SCEL: variants seen among roughly 807,000 people sequenced by gnomAD.
The protein encoded by SCEL is sciellin.
Under a neutral mutation model 117.6 loss-of-function variants are expected in SCEL, and 113 were observed. The observed-to-expected ratio is 0.96, with a 90% CI of 0.83 to 1.12. The LOEUF is 1.12. Among genes scored for constraint, SCEL ranks in the 50% most tolerant of loss-of-function variants. SCEL has a pLI of 0.00. For synonymous variants in SCEL, 270 were observed against 256.2 expected, an observed-to-expected ratio of 1.05 and a Z score of -0.51; for missense variants, 785 against 810.8, an observed-to-expected ratio of 0.97 and a Z score of 0.39.
At chr13:77,643,631 C>A (rs936421416) in intron 32 of SCEL, among the ~76,000 whole-genome samples, 1 of 152,052 alleles carries the variant, frequency 6.6e-6, no homozygotes, top group Non-Finnish European at 1.5e-5. Context: ...GGGACCCCTA[C>A]CTGGGATCCA....
At chr13:77,593,106 G>T (rs929854175) in intron 11 of SCEL, among the ~76,000 whole-genome samples, 1 of 152,062 alleles carries the variant, frequency 6.6e-6, no homozygotes, top group Non-Finnish European at 1.5e-5. Context: ...ACTCACTTCT[G>T]TGTTTACTTG....
intron 29 of SCEL, among the ~76,000 whole-genome samples, chr13:77,634,934 G>A (rs1236943179): frequency 6.6e-6 from 1 of 152,160 alleles, no homozygotes; most frequent in Non-Finnish European, 1.5e-5. Context: ...GATGGATATT[G>A]AGGAAAATGT....
intron 1 of SCEL, among the ~76,000 whole-genome samples, chr13:77,537,234 A>C (rs1420683016): frequency 6.6e-6 from 1 of 152,226 alleles, no homozygotes; most frequent in African/African-American, 2.4e-5. Flanking sequence ...GAATATTTCA[A>C]CTGAAACGGA....
intron 22 of SCEL, 53 bp downstream of exon 22, chr13:77,610,159 T>C (rs1225792418): frequency 1.5e-6 from 2 of 1,316,700 alleles, no homozygotes; most frequent in African/African-American, 1.5e-5. Context: ...CCTAATGAGC[T>C]TAAAAACATG....
chr13:77,558,819 C>CAAAAAAA (rs58052726), intron 3 of SCEL, among the ~76,000 whole-genome samples: 1 of 89,734 alleles, frequency 1.1e-5, no homozygotes, highest in African/African-American at 4.8e-5. Context: ...CTCTGTCTTA[C>CAAAAAAA]AAAAAAAAAA....
chr13:77,567,382 G>A (rs747324637), intron 5 of SCEL, among the ~76,000 whole-genome samples: 9 of 152,104 alleles, frequency 5.9e-5, no homozygotes, highest in Non-Finnish European at 1.3e-4. Context: ...TGAACCCTGC[G>A]GGCAGAGGTT....
Position 77,563,855 on chromosome 13 carries a change from A to G in SCEL, c.246A>G (p.Pro82=). Residue 82 remains proline, a synonymous_variant, in exon 5 of 33, where the codon CCA becomes CCG. Transcript: ENST00000349847. Reference sequence around the variant, plus strand: ...GGAAAGTAAATGAGAGAGATGTGCCAAAAGCTACAATTAGTCGGTACAGTT... The same window carrying G: ...GGAAAGTAAATGAGAGAGATGTGCCGAAAGCTACAATTAGTCGGTACAGTT... ...LDRKVNERDV[P]KATISRYSSD... is the part of the protein sequence containing the mutation. 6.2e-7 allele frequency: 1 copy of G among 1,601,272 alleles called. No individual in the cohort carries two copies. The highest frequency in any genetic ancestry group is 8.5e-7 in the Non-Finnish European group (1 of 1,176,010).
At position 77,614,034 on chromosome 13, in the gene SCEL, A is replaced by G. The variant is rs1200356597; in HGVS notation, c.1451+79A>G. On this transcript the variant is annotated intron_variant, in intron 24 of 32. Coordinates refer to ENST00000349847, the MANE Select transcript of SCEL (RefSeq NM_144777.3). The stretch of plus-strand genomic sequence containing the variant: ...AATAGAAATGATTTAGAATTATTCT[A>G]TGGGCAAATTGAATATAAATCTCAA... The G allele has an allele frequency of 1.1e-5, 13 of 1,157,984 alleles. No individual in the cohort carries two copies. The East Asian group carries it at 1.6e-4, about 15-fold the overall frequency. The allele number at this position is 1,157,984 out of a possible 1,614,324, so 71.7% of individuals were successfully genotyped here. A position where few individuals can be genotyped will look rare whatever the true frequency, so the allele number is the denominator to read the frequency against.
chr13:77,619,143 T>C (rs958025433), intron 27 of SCEL, among the ~76,000 whole-genome samples: 4 of 152,108 alleles, frequency 2.6e-5, no homozygotes, highest in Non-Finnish European at 5.9e-5. Context: ...GAAATTAACA[T>C]ATGACAAAGT....
chr13:77,550,922 T>C (rs941602330), intron 1 of SCEL, among the ~76,000 whole-genome samples: 2 of 152,198 alleles, frequency 1.3e-5, no homozygotes, highest in Admixed American at 1.3e-4. Flanking sequence ...CAGCAGTTCA[T>C]TGAGAGGCTG....
At chr13:77,593,300 G>GTGCGCACGCGTC (rs1555510800) in intron 11 of SCEL, among the ~76,000 whole-genome samples, 1 of 145,148 alleles carries the variant, frequency 6.9e-6, no homozygotes, top group Admixed American at 6.8e-5. Flanking sequence ...GTGTGTGTCT[G>GTGCGCACGCGTC]TGTGTGTGTG....
At chr13:77,636,029 A>G (rs887695335) in intron 29 of SCEL, among the ~76,000 whole-genome samples, 1 of 152,208 alleles carries the variant, frequency 6.6e-6, no homozygotes, top group African/African-American at 2.4e-5. Flanking sequence ...TATCAGGCTA[A>G]TAGTCTGTTG....
Position 77,608,077 on chromosome 13 carries a change from C to G in SCEL, c.1179C>G (p.Leu393=). The G allele has an allele frequency of 6.2e-7, 1 of 1,613,482 alleles. No individual in the cohort carries two copies. Among genetic ancestry groups the G allele is most frequent in the Non-Finnish European group, 8.5e-7 (1 of 1,179,602 alleles). ...AAAGGGGCCAGAGCCTTGATAATCT[C>G]ATCAAAGTGACCCCTGAAGTAAAGA... ...NITRGQSLDN[L]IKVTPEVKRS... The change falls in exon 20 of 33, where the codon CTC becomes CTG. Residue 393 remains leucine, a synonymous_variant. Transcript: ENST00000349847.
chr13:77,593,487 C>T (rs755554122), intron 11 of SCEL, 27 bp from the exon 12 acceptor site: 5 of 1,569,996 alleles, frequency 3.2e-6, no homozygotes, highest in African/African-American at 2.7e-5. Context: ...CTATCATTGA[C>T]CTGTATTTAT....
chr13:77,545,675 G>A (rs542863829), intron 1 of SCEL, among the ~76,000 whole-genome samples: 2 of 152,270 alleles, frequency 1.3e-5, no homozygotes, highest in South Asian at 2.1e-4. Flanking sequence ...ATGGCTCTGG[G>A]GCCACCCAAA....
At chr13:77,553,789 T>A (rs1319427313) in intron 1 of SCEL, among the ~76,000 whole-genome samples, 2 of 151,964 alleles carry the variant, frequency 1.3e-5, no homozygotes, top group Non-Finnish European at 2.9e-5. Context: ...ATTAGACACT[T>A]TACATATGTT....
At chr13:77,578,803 G>A (rs1214503514) in intron 9 of SCEL, among the ~76,000 whole-genome samples, 1 of 152,126 alleles carries the variant, frequency 6.6e-6, no homozygotes, top group African/African-American at 2.4e-5. Flanking sequence ...TGGGACACCG[G>A]CAGGATATAT....
At chr13:77,557,166 T>C (rs1345604801) in intron 3 of SCEL, among the ~76,000 whole-genome samples, 1 of 152,180 alleles carries the variant, frequency 6.6e-6, no homozygotes, top group Non-Finnish European at 1.5e-5. Flanking sequence ...TACCGACTTA[T>C]TTTAGTTCCA....
At chr13:77,555,504 A>G (rs1379505522) in intron 1 of SCEL, among the ~76,000 whole-genome samples, 1 of 152,180 alleles carries the variant, frequency 6.6e-6, no homozygotes, top group Admixed American at 6.5e-5. Context: ...ACACTTGTCT[A>G]ACTCATTTTT....
Sources: allele counts gnomAD v4.1 joint callset (sites outside exome capture counted in the v4.1 genomes callset), GRCh38; gene constraint gnomAD v4.1.1; transcripts MANE v1.5; gene names NCBI Gene and HGNC (gene_info 2026-07-23, HGNC 2026-07-21).